Variants in RASAL2 observed in about 807,000 individuals in gnomAD.
RASAL2 encodes the protein ras GTPase-activating protein nGAP.
Under a neutral mutation model 128.9 loss-of-function variants are expected in RASAL2, and 58 were observed. The observed-to-expected ratio is 0.45, with a 90% confidence interval of 0.36 to 0.56. The LOEUF (loss-of-function observed/expected upper bound fraction) is 0.56, where lower values mean the gene tolerates loss of function less well. RASAL2 is among the 20% of genes least tolerant of loss of function. The pLI, the probability that RASAL2 is intolerant of heterozygous loss-of-function variation, is 0.00. For missense variants in RASAL2, 1,360 were observed against 1,601.6 expected (o/e 0.85, Z 2.57); for synonymous variants, 561 against 580.8 (o/e 0.97, Z 0.49).
intron 3 of RASAL2, among the ~76,000 whole-genome samples, chr1:178,365,367 T>C (rs916466293): frequency 1.3e-5 from 2 of 152,178 alleles, no homozygotes; most frequent in East Asian, 3.8e-4. Context: ...AGGAAAAGTA[T>C]TGTACATGTA....
At chr1:178,211,792 C>T (rs563395189) in intron 1 of RASAL2, among the ~76,000 whole-genome samples, 297 of 152,130 alleles carry the variant, frequency 2.0e-3, no homozygotes, top group Non-Finnish European at 3.2e-3. Flanking sequence ...CCATTTTGTC[C>T]CCATTGAATT....
intron 5 of RASAL2, among the ~76,000 whole-genome samples, chr1:178,433,084 C>G (rs937233904): frequency 6.6e-6 from 1 of 152,092 alleles, no homozygotes; most frequent in African/African-American, 2.4e-5. Flanking sequence ...CCCACTCCAA[C>G]ACCCCAGCCT....
At chr1:178,303,138 G>A (rs563918779) in intron 3 of RASAL2, among the ~76,000 whole-genome samples, 4 of 152,080 alleles carry the variant, frequency 2.6e-5, no homozygotes, top group Non-Finnish European at 5.9e-5. Flanking sequence ...TTTCCCTCAC[G>A]GCAGTGAGAG....
chr1:178,338,424 C>T (rs1301368413), intron 3 of RASAL2, among the ~76,000 whole-genome samples: 5 of 152,164 alleles, frequency 3.3e-5, no homozygotes, highest in South Asian at 2.1e-4. Flanking sequence ...GCCACCGTGC[C>T]GGGCCTGGTT....
intron 1 of RASAL2, among the ~76,000 whole-genome samples, chr1:178,271,370 C>T (rs967689167): frequency 3.9e-5 from 6 of 152,056 alleles, no homozygotes; most frequent in African/African-American, 1.4e-4. Flanking sequence ...TCTGTCTCTC[C>T]GTATATAAAT....
chr1:178,417,635 T>C (rs537290174), intron 4 of RASAL2, among the ~76,000 whole-genome samples: 1 of 151,912 alleles, frequency 6.6e-6, no homozygotes, highest in African/African-American at 2.4e-5. Flanking sequence ...TAATTCCAAC[T>C]GTAATCCCAG....
At chr1:178,472,770 T>C (rs1448803765) in intron 17 of RASAL2, among the ~76,000 whole-genome samples, 1 of 152,208 alleles carries the variant, frequency 6.6e-6, no homozygotes, top group Non-Finnish European at 1.5e-5. Flanking sequence ...ATACCTGTGT[T>C]GCATAGTCTG....
At chr1:178,321,903 G>T in intron 3 of RASAL2, among the ~76,000 whole-genome samples, 1 of 151,714 alleles carries the variant, frequency 6.6e-6, no homozygotes, top group Non-Finnish European at 1.5e-5. Context: ...CAGGAGAATT[G>T]CTTGAACCCA....
intron 2 of RASAL2, among the ~76,000 whole-genome samples, chr1:178,290,080 C>T (rs1285172839): frequency 6.6e-6 from 1 of 152,154 alleles, no homozygotes; most frequent in East Asian, 1.9e-4. Context: ...TAGCATTTGC[C>T]ACCTGCTAAA....
At chr1:178,183,623 T>C (rs1228475542) in intron 1 of RASAL2, among the ~76,000 whole-genome samples, 1 of 152,230 alleles carries the variant, frequency 6.6e-6, no homozygotes, top group Non-Finnish European at 1.5e-5. Flanking sequence ...TTTCATGTAG[T>C]AATATGCCTT....
chr1:178,191,514 A>C (rs1380651267), intron 1 of RASAL2, among the ~76,000 whole-genome samples: 7 of 152,222 alleles, frequency 4.6e-5, no homozygotes, highest in African/African-American at 1.7e-4. Context: ...GAAGCCTGTG[A>C]ACCAAACTTT....
Position 178,464,424 on chromosome 1 carries a change from T to C in RASAL2, c.3387+12T>C, listed in dbSNP as rs763442665. The C allele has an allele frequency of 3.7e-6, 6 of 1,610,834 alleles. No individual in the cohort carries two copies. The highest frequency in any genetic ancestry group is 5.1e-6 in the Non-Finnish European group (6 of 1,178,732). ...AGCATGCTGAGAAGGTAGAACCTAGTCTGCTTCATCAACTTTCTGATCCCA... is the reference window on the plus strand; with the variant it reads ...AGCATGCTGAGAAGGTAGAACCTAGCCTGCTTCATCAACTTTCTGATCCCA... On this transcript the variant is annotated intron_variant, in intron 15 of 17. Transcript: ENST00000367649.
rs1648670830 is a variant in RASAL2 at position 178,476,333 on chromosome 1, C to G, written c.*3094C>G. ...TTACTGAAGCAATAAGCAATCTGAG[C>G]TGAAGCAGCAAAAAGAGTCACATTT... is the stretch of plus-strand genomic sequence containing the variant. On this transcript the variant is annotated 3_prime_UTR_variant, in exon 18 of 18. Coordinates refer to ENST00000367649, the MANE Select transcript of RASAL2 (RefSeq NM_170692.4). The G allele has an allele frequency of 6.6e-6, 1 of 152,180 alleles. No individual in the cohort carries two copies. Among genetic ancestry groups the G allele is most frequent in the African/African-American group, 2.4e-5 (1 of 41,430 alleles). The allele number at this position is 152,180 out of a possible 1,614,324, so 9.4% of individuals were successfully genotyped here. A position where few individuals can be genotyped will look rare whatever the true frequency, so the allele number is the denominator to read the frequency against.
chr1:178,348,798 CTTTTTGGTTTTTT>C (rs1670283672), intron 3 of RASAL2, among the ~76,000 whole-genome samples: 2 of 148,210 alleles, frequency 1.3e-5, no homozygotes, highest in Middle Eastern at 3.6e-3. Context: ...TCTTTCTTTT[CTTTTTGGTTTTTT>C]TTTTTTTTGA....
chr1:178,464,567 GGTGTGTGT>G (rs58822651), intron 15 of RASAL2, among the ~76,000 whole-genome samples, 155 bp downstream of exon 15: 18 of 145,118 alleles, frequency 1.2e-4, no homozygotes, highest in Middle Eastern at 7.1e-3. Flanking sequence ...ATAGGTCAGT[GGTGTGTGT>G]GTGTGTGTGT....
At chr1:178,338,953 A>G (rs79386588) in intron 3 of RASAL2, among the ~76,000 whole-genome samples, 3 of 152,204 alleles carry the variant, frequency 2.0e-5, no homozygotes, top group Non-Finnish European at 4.4e-5. Context: ...CTTATTTCCC[A>G]CTTATCCCAG....
chr1:178,202,156 T>C (rs1232178938), intron 1 of RASAL2, among the ~76,000 whole-genome samples: 1 of 152,124 alleles, frequency 6.6e-6, no homozygotes, highest in Non-Finnish European at 1.5e-5. Context: ...GGTCAGGTAA[T>C]TAATGGAGTT....
chr1:178,430,944 A>ACACACACC (rs145043848), intron 5 of RASAL2, among the ~76,000 whole-genome samples: 3 of 147,288 alleles, frequency 2.0e-5, no homozygotes, highest in African/African-American at 5.1e-5. Flanking sequence ...ACACACACAC[A>ACACACACC]CCCCTCTTAT....
chr1:178,441,626 C>T lies in RASAL2; in HGVS notation c.906C>T (p.Arg302=). The change falls in exon 7 of 18, where the codon CGC becomes CGT. Residue 302 remains arginine (R), a synonymous_variant. Coordinates refer to ENST00000367649, the MANE Select transcript of RASAL2 (RefSeq NM_170692.4). ...GAGACAAGTGGATGGAAAACCTTCG[C>T]AGGACAGTTCAACCTAATAAGGTAA... ...SERDKWMENL[R]RTVQPNKDNC... is the part of the protein sequence containing the mutation. 6.2e-7 allele frequency: 1 copy of T among 1,611,974 alleles called. No individual in the cohort carries two copies. Among genetic ancestry groups the T allele is most frequent in the South Asian group, 1.1e-5 (1 of 91,010 alleles).
Sources: allele counts gnomAD v4.1 joint callset (sites outside exome capture counted in the v4.1 genomes callset), GRCh38; gene constraint gnomAD v4.1.1; transcripts MANE v1.5; gene names NCBI Gene and HGNC (gene_info 2026-07-23, HGNC 2026-07-21).